The following SNCAIP variants were observed in gnomAD, a reference collection of about 807,000 sequenced individuals.
The protein encoded by SNCAIP is synuclein alpha interacting protein.
Under a neutral mutation model 86.7 loss-of-function variants are expected in SNCAIP, and 43 were observed. The ratio of observed to expected loss-of-function variants is 0.50; its 90% CI spans 0.39 to 0.64. The LOEUF (loss-of-function observed/expected upper bound fraction) is 0.64, where lower values mean the gene tolerates loss of function less well. SNCAIP is among the 30% of genes least tolerant of loss of function. The pLI, the probability that SNCAIP is intolerant of heterozygous loss-of-function variation, is 0.00. For missense variants in SNCAIP, 981 were observed against 1,103.1 expected (o/e 0.89, Z 1.57); for synonymous variants, 417 against 427.2 (o/e 0.98, Z 0.29).
intron 1 of SNCAIP, among the ~76,000 whole-genome samples, chr5:122,382,739 G>T: frequency 6.6e-6 from 1 of 152,182 alleles, no homozygotes; most frequent in Non-Finnish European, 1.5e-5. Flanking sequence ...TGTCCTTTCT[G>T]TTCGTTAGTT....
rs1581328432 is a variant in SNCAIP, at chr5:122,444,862, G to A, written c.1592+130G>A. 3 of 829,748 alleles carry A rather than the reference G, an allele frequency of 3.6e-6. No homozygotes were observed. In the East Asian group the frequency reaches 7.8e-5, roughly 21 times the overall value. 51.4% of individuals were successfully genotyped at this position (829,748 alleles called of 1,614,324 possible). ...GGAATTCCTAGCATTCTCCTCTTCT[G>A]TTCTTCCATCCAAAGTCCTCACAGC... On this transcript the variant is annotated intron_variant, in intron 8 of 10. Coordinates refer to ENST00000261368, the MANE Select transcript of SNCAIP (RefSeq NM_005460.4).
At position 122,366,761 on chromosome 5, in the gene SNCAIP, C is replaced by T. The variant is rs150485601; in HGVS notation, c.-46-24328C>T. On this transcript the variant is annotated intron_variant, in intron 1 of 10. Coordinates refer to ENST00000261368, the MANE Select transcript of SNCAIP (RefSeq NM_005460.4). ...ACATGAGAGGCTTCGTGTGACTTAA[C>T]GGAGTTGCGGCCATCTTCCCTGTAG... is the stretch of plus-strand genomic sequence containing the variant. Among the ~76,000 whole-genome samples the T allele has an allele frequency of 4.6e-5, 7 of 152,194 alleles. No individual in the cohort carries two copies. The East Asian group carries it at 9.7e-4, about 21-fold the overall frequency.
intron 5 of SNCAIP, among the ~76,000 whole-genome samples, chr5:122,429,157 G>T (rs1777914709): frequency 6.6e-6 from 1 of 151,622 alleles, no homozygotes; most frequent in African/African-American, 2.4e-5. Flanking sequence ...CTTACAAGAT[G>T]CAACTAAAGC....
At chr5:122,336,025 A>G (rs1333429411) in intron 1 of SNCAIP, among the ~76,000 whole-genome samples, 1 of 152,232 alleles carries the variant, frequency 6.6e-6, no homozygotes, top group African/African-American at 2.4e-5. Context: ...ATAATCAAGA[A>G]TAATATCTGC....
chr5:122,413,660 T>C (rs1391488983), intron 3 of SNCAIP, among the ~76,000 whole-genome samples: 2 of 151,916 alleles, frequency 1.3e-5, no homozygotes. Context: ...TGTCTAAGAG[T>C]ACCATAGCAT....
chr5:122,333,233 G>A (rs959801977), intron 1 of SNCAIP, among the ~76,000 whole-genome samples: 13 of 152,200 alleles, frequency 8.5e-5, no homozygotes, highest in African/African-American at 2.7e-4. Flanking sequence ...TTATTTATGA[G>A]CAAAGATAAA....
At chr5:122,408,650 G>T (rs1423524985) in intron 3 of SNCAIP, among the ~76,000 whole-genome samples, 2 of 152,178 alleles carry the variant, frequency 1.3e-5, no homozygotes, top group African/African-American at 4.8e-5. Context: ...GAGAAAAGTG[G>T]TCTAGAAAGA....
chr5:122,341,646 C>G (rs1757615117), intron 1 of SNCAIP, among the ~76,000 whole-genome samples: 1 of 152,154 alleles, frequency 6.6e-6, no homozygotes, highest in Non-Finnish European at 1.5e-5. Context: ...ATTTGGAAAA[C>G]AGTATGATTT....
intron 1 of SNCAIP, chr5:122,388,663 T>A (rs1768724674): frequency 6.6e-6 from 1 of 152,220 alleles, no homozygotes; most frequent in South Asian, 2.1e-4. Flanking sequence ...GACTCACTCT[T>A]ACCTGTAAAG....
Position 122,451,634 on chromosome 5 carries a change from C to T in SNCAIP, c.2754+33C>T, listed in dbSNP as rs777285780. On this transcript the variant is annotated intron_variant, in intron 10 of 10. Transcript: ENST00000261368. ...CTATTTGGAGAATATTCTTTTTTTT[C>T]CTTCAAATGGATTATGTTGTTCCTA... 8.6e-6 allele frequency: 12 copies of T among 1,391,594 alleles called. No individual in the cohort carries two copies. In the African/African-American group the frequency reaches 1.6e-4, roughly 18 times the overall value. 86.2% of individuals were successfully genotyped at this position (1,391,594 alleles called of 1,614,324 possible).
chr5:122,350,293 A>G (rs1759488465), intron 1 of SNCAIP, among the ~76,000 whole-genome samples: 1 of 152,210 alleles, frequency 6.6e-6, no homozygotes. Flanking sequence ...AGTACCATCC[A>G]AATATAAGAA....
intron 1 of SNCAIP, among the ~76,000 whole-genome samples, chr5:122,381,060 C>T (rs1218701513): frequency 1.3e-5 from 2 of 150,388 alleles, no homozygotes; most frequent in Non-Finnish European, 2.9e-5. Flanking sequence ...ATTAGGTCCG[C>T]TTGGTGCAGA....
chr5:122,419,111 G>T (rs1008057514), intron 3 of SNCAIP, among the ~76,000 whole-genome samples: 1 of 152,140 alleles, frequency 6.6e-6, no homozygotes, highest in African/African-American at 2.4e-5. Context: ...GATTGCTTAG[G>T]AGACTGCATA....
At chr5:122,375,913 C>T (rs1580794086) in intron 1 of SNCAIP, among the ~76,000 whole-genome samples, 1 of 152,008 alleles carries the variant, frequency 6.6e-6, no homozygotes, top group South Asian at 2.1e-4. Flanking sequence ...GAAGAGGTCA[C>T]CATCTTTTAA....
intron 7 of SNCAIP, among the ~76,000 whole-genome samples, chr5:122,442,653 A>G (rs1781313768): frequency 6.6e-6 from 1 of 152,372 alleles, no homozygotes; most frequent in Non-Finnish European, 1.5e-5. Context: ...CTATTTAACA[A>G]AACACTCTAA....
chr5:122,426,315 G>T (rs973340427), intron 5 of SNCAIP, among the ~76,000 whole-genome samples: 2 of 152,118 alleles, frequency 1.3e-5, no homozygotes, highest in African/African-American at 4.8e-5. Flanking sequence ...CATAATAGTT[G>T]TGTCTTCTAA....
chr5:122,391,632 C>T (rs1324675489), intron 2 of SNCAIP, among the ~76,000 whole-genome samples: 3 of 152,164 alleles, frequency 2.0e-5, no homozygotes, highest in African/African-American at 7.2e-5. Flanking sequence ...TCTTTCCAAT[C>T]ACTGTAGATA....
chr5:122,356,907 C>A (rs1273402865), intron 1 of SNCAIP, among the ~76,000 whole-genome samples: 1 of 152,186 alleles, frequency 6.6e-6, no homozygotes, highest in East Asian at 1.9e-4. Flanking sequence ...CTACCTAGCT[C>A]CTGTCTGACC....
At chr5:122,457,867 A>G (rs1475485944) in intron 10 of SNCAIP, among the ~76,000 whole-genome samples, 1 of 152,240 alleles carries the variant, frequency 6.6e-6, no homozygotes, top group Non-Finnish European at 1.5e-5. Flanking sequence ...GTAGAATTAC[A>G]GGGAATTGTT....
Sources: allele counts gnomAD v4.1 joint callset (sites outside exome capture counted in the v4.1 genomes callset), GRCh38; gene constraint gnomAD v4.1.1; transcripts MANE v1.5; gene names NCBI Gene and HGNC (gene_info 2026-07-23, HGNC 2026-07-21).